Variants in B3GLCT observed in about 807,000 individuals in gnomAD.
B3GLCT encodes the protein beta 3-glucosyltransferase.
In B3GLCT, 65 loss-of-function variants were observed where a neutral mutation model predicts 63.4. The ratio of observed to expected loss-of-function variants is 1.03; its 90% CI spans 0.84 to 1.26. The LOEUF (loss-of-function observed/expected upper bound fraction) is 1.26, where lower values mean the gene tolerates loss of function less well. Ranked by LOEUF, B3GLCT falls within the 50% of genes most tolerant of loss-of-function variation. The pLI is 0.00. For missense variants in B3GLCT, 577 were observed against 604.8 expected, an observed-to-expected ratio of 0.95 and a Z score of 0.48; for synonymous variants, 233 against 219.2, an observed-to-expected ratio of 1.06 and a Z score of -0.55.
At chr13:31,263,234 T>G (rs1443895210) in intron 7 of B3GLCT, among the ~76,000 whole-genome samples, 2 of 152,206 alleles carry the variant, frequency 1.3e-5, no homozygotes, top group Non-Finnish European at 2.9e-5. Context: ...ATTTCCTGTC[T>G]TCCTTTAGCA....
intron 4 of B3GLCT, among the ~76,000 whole-genome samples, chr13:31,245,162 C>T (rs571960305): frequency 6.6e-6 from 1 of 152,104 alleles, no homozygotes; most frequent in East Asian, 1.9e-4. Context: ...ACCTTTGCCT[C>T]CCACATTTTA....
chr13:31,283,657 A>G (rs902069455), intron 10 of B3GLCT, among the ~76,000 whole-genome samples: 2 of 152,108 alleles, frequency 1.3e-5, no homozygotes, highest in African/African-American at 2.4e-5. Context: ...TGTATTTTCT[A>G]TATAAGGGCT....
intron 7 of B3GLCT, among the ~76,000 whole-genome samples, chr13:31,261,447 T>G (rs927681758): frequency 6.6e-6 from 1 of 152,122 alleles, no homozygotes; most frequent in Non-Finnish European, 1.5e-5. Flanking sequence ...AGTAAGAAAA[T>G]GAAGCAGTAA....
chr13:31,308,224 C>G (rs1874481291), intron 12 of B3GLCT, among the ~76,000 whole-genome samples: 1 of 58,802 alleles, frequency 1.7e-5, no homozygotes. Context: ...GGAGATATAC[C>G]TAATGCTAGA....
chr13:31,292,268 A>G (rs1353403654), intron 12 of B3GLCT, among the ~76,000 whole-genome samples: 3 of 151,686 alleles, frequency 2.0e-5, no homozygotes, highest in Non-Finnish European at 4.4e-5. Flanking sequence ...TATTGGTCTG[A>G]AATTTTTTTT....
chr13:31,330,878 A>C lies in B3GLCT; in HGVS notation c.*1210A>C, dbSNP rs982873271. On this transcript the variant is annotated 3_prime_UTR_variant, in exon 15 of 15. Coordinates refer to ENST00000343307, the MANE Select transcript of B3GLCT (RefSeq NM_194318.4). ...CTGTTACTCATTAACTTTGCTTATA[A>C]TGCTTTTTATAGCCCAGCACAGAAT... 1.4e-4 allele frequency: 22 copies of C among 152,044 alleles called. No homozygotes were observed. The highest frequency in any genetic ancestry group is 5.1e-4 in the African/African-American group (21 of 41,396). 9.4% of individuals were successfully genotyped at this position (152,044 alleles called of 1,614,324 possible). A position where few individuals can be genotyped will look rare whatever the true frequency, so the allele number is the denominator to read the frequency against.
At chr13:31,218,626 A>G (rs911692871) in intron 2 of B3GLCT, among the ~76,000 whole-genome samples, 1 of 152,214 alleles carries the variant, frequency 6.6e-6, no homozygotes, top group African/African-American at 2.4e-5. Flanking sequence ...TAGGTATAGT[A>G]TCTTACTGTC....
intron 3 of B3GLCT, among the ~76,000 whole-genome samples, chr13:31,228,916 C>T (rs1870231527): frequency 6.6e-6 from 1 of 152,224 alleles, no homozygotes; most frequent in African/African-American, 2.4e-5. Flanking sequence ...TTCTTTCTGA[C>T]ATATGCGGGA....
At chr13:31,276,038 A>T (rs1305447834) in intron 9 of B3GLCT, among the ~76,000 whole-genome samples, 1 of 152,196 alleles carries the variant, frequency 6.6e-6, no homozygotes, top group Non-Finnish European at 1.5e-5. Context: ...TAAAGGGGTC[A>T]TGAAGGGCTT....
intron 5 of B3GLCT, among the ~76,000 whole-genome samples, chr13:31,247,317 T>C (rs769033664): frequency 1.3e-5 from 2 of 152,190 alleles, no homozygotes; most frequent in African/African-American, 4.8e-5. Context: ...AGTCTCGCTC[T>C]GTCGCCAGGC....
At chr13:31,221,766 G>A (rs1869824034) in intron 2 of B3GLCT, among the ~76,000 whole-genome samples, 1 of 152,138 alleles carries the variant, frequency 6.6e-6, no homozygotes, top group Non-Finnish European at 1.5e-5. Flanking sequence ...AAGGGCTCAC[G>A]ACCACATTTC....
chr13:31,232,559 T>C (rs1870434796), intron 4 of B3GLCT, among the ~76,000 whole-genome samples: 2 of 152,200 alleles, frequency 1.3e-5, no homozygotes, highest in Admixed American at 6.5e-5. Flanking sequence ...CTCCAGGCCC[T>C]ACTTCCAACA....
At chr13:31,239,436 C>A (rs1389257202) in intron 4 of B3GLCT, among the ~76,000 whole-genome samples, 1 of 152,130 alleles carries the variant, frequency 6.6e-6, no homozygotes, top group Non-Finnish European at 1.5e-5. Context: ...GTGCAATGAT[C>A]TAATAAATCA....
intron 14 of B3GLCT, among the ~76,000 whole-genome samples, chr13:31,328,919 C>T (rs190242555): frequency 9.9e-5 from 15 of 151,904 alleles, no homozygotes; most frequent in South Asian, 4.1e-4. Context: ...CAAACTATTT[C>T]GGGTTACTTG....
chr13:31,208,142 T>C (rs1029730853), intron 1 of B3GLCT, among the ~76,000 whole-genome samples: 1 of 151,406 alleles, frequency 6.6e-6, no homozygotes, highest in Admixed American at 6.6e-5. Flanking sequence ...GACCTTATGC[T>C]GTATGACTTC....
intron 4 of B3GLCT, 77 bp from the exon 5 acceptor site, chr13:31,246,946 C>CTTTTCTTTTTTTTTTTT: frequency 7.9e-6 from 8 of 1,011,082 alleles, no homozygotes; most frequent in Non-Finnish European, 1.0e-5. Flanking sequence ...CTTTTCTTTT[C>CTTTTCTTTTTTTTTTTT]TTTTCTTTTT....
rs199714757 is a variant in B3GLCT, at chr13:31,214,957, A to C, written c.71-94A>C. ...TGAGCAAAATATGTCTTGTTAAAGTATCTTTTTTTATTATAAGCAAAACTG... is the reference window on the plus strand; with the variant it reads ...TGAGCAAAATATGTCTTGTTAAAGTCTCTTTTTTTATTATAAGCAAAACTG... On this transcript the variant is annotated intron_variant, in intron 1 of 14. Coordinates refer to ENST00000343307, the MANE Select transcript of B3GLCT (RefSeq NM_194318.4). The C allele has an allele frequency of 1.2e-3, 1,446 of 1,230,246 alleles. 4 individuals carry two copies. Among genetic ancestry groups the C allele is most frequent in the South Asian group, 2.0e-3 (152 of 75,598 alleles). 76.2% of individuals were successfully genotyped at this position (1,230,246 alleles called of 1,614,324 possible).
At chr13:31,251,033 T>G (rs4943272) in intron 6 of B3GLCT, among the ~76,000 whole-genome samples, 31,223 of 152,010 alleles carry the variant, frequency 0.21, 3,263 homozygotes, top group South Asian at 0.27. Context: ...CAGCAATCTT[T>G]GTGGTTCTGC....
chr13:31,229,309 C>T lies in B3GLCT; in HGVS notation c.270+15C>T, dbSNP rs1336731357. The T allele has an allele frequency of 3.0e-5, 43 of 1,419,640 alleles. No individual in the cohort carries two copies. Among genetic ancestry groups the T allele is most frequent in the Non-Finnish European group, 4.2e-5 (42 of 1,002,704 alleles). The allele number at this position is 1,419,640 out of a possible 1,614,324, so 87.9% of individuals were successfully genotyped here. ...ATCTTACACAGGTACGTAGCGATGG[C>T]TGGGGGGTCTGCCAGTTATGTATTT... On this transcript the variant is annotated intron_variant, in intron 4 of 14. Transcript: ENST00000343307.
Sources: gnomAD v4.1 joint callset for allele counts (sites outside exome capture counted in the v4.1 genomes callset) on GRCh38, gnomAD v4.1.1 for gene constraint, MANE v1.5 for transcripts, NCBI Gene and HGNC (gene_info 2026-07-23, HGNC 2026-07-21) for gene names.